The following CCDC126 variants were observed in gnomAD, a reference collection of about 807,000 sequenced individuals.
The protein encoded by CCDC126 is coiled-coil domain-containing protein 126.
In CCDC126, 5 loss-of-function variants were observed where a neutral mutation model predicts 11.7. That is an observed-to-expected ratio of 0.43 (90% confidence interval 0.22 to 0.90). The LOEUF (loss-of-function observed/expected upper bound fraction) is 0.90. Among genes scored for constraint, CCDC126 ranks in the 40% least tolerant of loss-of-function variants. CCDC126 has a pLI of 0.27. For synonymous variants in CCDC126, 60 were observed against 61.9 expected (o/e 0.97, Z 0.14); for missense variants, 150 against 163.1 (o/e 0.92, Z 0.44).
chr7:23,608,488 A>AT lies in CCDC126; in HGVS notation c.-145-2675dup, dbSNP rs555600798. On this transcript the variant is annotated intron_variant, in intron 2 of 3. Transcript: ENST00000307471. The stretch of plus-strand genomic sequence containing the variant: ...TTTTTTTTGTGATTTTTAATTTTTA[A>AT]TTTTTTTTAGCTCATCAGCTGTCGT... 2.9e-3 allele frequency among the ~76,000 whole-genome samples: 440 copies of AT among 151,996 alleles called. 3 individuals carry two copies. The highest frequency in any genetic ancestry group is 0.01 in the African/African-American group (417 of 41,448).
chr7:23,631,909 A>G (rs1783123113), intron 3 of CCDC126, among the ~76,000 whole-genome samples: 1 of 152,216 alleles, frequency 6.6e-6, no homozygotes, highest in Non-Finnish European at 1.5e-5. Context: ...CAGAAAATAG[A>G]AGGGGAAGGA....
intron 3 of CCDC126, among the ~76,000 whole-genome samples, chr7:23,640,984 T>A (rs1028643361): frequency 6.8e-5 from 10 of 146,288 alleles, no homozygotes; most frequent in Non-Finnish European, 1.2e-4. Context: ...GAGCTCTGAA[T>A]CCTTTTGGTT....
At chr7:23,642,255 C>T (rs545936291) in intron 3 of CCDC126, among the ~76,000 whole-genome samples, 45 of 152,196 alleles carry the variant, frequency 3.0e-4, no homozygotes, top group African/African-American at 1.1e-3. Context: ...CTCGTGATCC[C>T]GCCCGCCTCA....
chr7:23,636,876 A>C (rs1179958037), intron 3 of CCDC126, among the ~76,000 whole-genome samples: 50 of 101,942 alleles, frequency 4.9e-4, no homozygotes, highest in African/African-American at 1.9e-3. Context: ...CTGCCCGGCC[A>C]GTCGCCCCGT....
chr7:23,598,840 A>G (rs939213068), intron 2 of CCDC126, among the ~76,000 whole-genome samples: 3 of 152,224 alleles, frequency 2.0e-5, no homozygotes, highest in African/African-American at 7.2e-5. Context: ...CTCTGTCACT[A>G]TCTGTGTAAC....
intron 3 of CCDC126, among the ~76,000 whole-genome samples, chr7:23,632,333 T>A (rs1783130598): frequency 6.6e-6 from 1 of 152,192 alleles, no homozygotes; most frequent in African/African-American, 2.4e-5. Flanking sequence ...TGACCTCAAG[T>A]GATCCGCCCG....
chr7:23,643,162 C>T lies in CCDC126; in HGVS notation c.*47C>T, dbSNP rs369323526. 3.1e-5 allele frequency: 48 copies of T among 1,527,336 alleles called. No individual in the cohort carries two copies. The highest frequency in any genetic ancestry group is 1.5e-4 in the African/African-American group (11 of 72,578). The allele number at this position is 1,527,336 out of a possible 1,614,324, so 94.6% of individuals were successfully genotyped here. ...TGCTCCATCCACTGTGGATTATATC[C>T]TATGGCAGAAAAGCTTTATAATTGC... On this transcript the variant is annotated 3_prime_UTR_variant, in exon 4 of 4. Coordinates refer to ENST00000307471, the MANE Select transcript of CCDC126 (RefSeq NM_138771.4).
intron 3 of CCDC126, among the ~76,000 whole-genome samples, chr7:23,619,748 T>C (rs227925): frequency 0.79 from 89,875 of 113,956 alleles, 35,510 homozygotes; most frequent in African/African-American, 0.89. Context: ...CACCCCACAA[T>C]AGGCCCTGGT....
At chr7:23,600,046 A>G (rs1234740220) in intron 2 of CCDC126, among the ~76,000 whole-genome samples, 1 of 152,290 alleles carries the variant, frequency 6.6e-6, no homozygotes, top group East Asian at 1.9e-4. Flanking sequence ...CAGCCTCCCA[A>G]GGTGCTGGGA....
intron 3 of CCDC126, among the ~76,000 whole-genome samples, chr7:23,628,414 T>C (rs970888402): frequency 3.9e-5 from 6 of 152,178 alleles, no homozygotes; most frequent in African/African-American, 1.4e-4. Flanking sequence ...CAAAAGCCTG[T>C]TCTCTCTAGC....
intron 2 of CCDC126, among the ~76,000 whole-genome samples, chr7:23,607,885 T>C (rs1782646622): frequency 6.6e-6 from 1 of 152,178 alleles, no homozygotes; most frequent in African/African-American, 2.4e-5. Flanking sequence ...TTATTTCTTA[T>C]AAAGGGTTGC....
intron 2 of CCDC126, among the ~76,000 whole-genome samples, chr7:23,607,203 A>G (rs1199764891): frequency 6.6e-6 from 1 of 152,206 alleles, no homozygotes; most frequent in African/African-American, 2.4e-5. Flanking sequence ...GTGGCCTAGA[A>G]ATTAAGATTT....
At chr7:23,635,978 C>G (rs1783201904) in intron 3 of CCDC126, among the ~76,000 whole-genome samples, 1 of 152,162 alleles carries the variant, frequency 6.6e-6, no homozygotes, top group South Asian at 2.1e-4. Context: ...ACTGCAACCT[C>G]CCTGCCTGAT....
intron 3 of CCDC126, among the ~76,000 whole-genome samples, chr7:23,620,243 G>C (rs568197361): frequency 2.2e-4 from 33 of 152,254 alleles, no homozygotes; most frequent in African/African-American, 5.8e-4. Flanking sequence ...TCCAGCACCT[G>C]TTGTTTCCTG....
chr7:23,631,291 A>C (rs1783107959), intron 3 of CCDC126, among the ~76,000 whole-genome samples: 1 of 152,190 alleles, frequency 6.6e-6, no homozygotes, highest in South Asian at 2.1e-4. Context: ...TAAATTACCA[A>C]CATCAGGAAT....
chr7:23,607,054 G>A (rs898767805), intron 2 of CCDC126, among the ~76,000 whole-genome samples: 10 of 152,154 alleles, frequency 6.6e-5, no homozygotes, highest in African/African-American at 1.2e-4. Flanking sequence ...AGCTGAGATC[G>A]TGCTACTGTA....
At chr7:23,638,427 T>G (rs2128022565) in intron 3 of CCDC126, among the ~76,000 whole-genome samples, 1 of 86,308 alleles carries the variant, frequency 1.2e-5, no homozygotes, top group Non-Finnish European at 2.3e-5. Context: ...TCCAACCCTG[T>G]GCTCTCTGAA....
chr7:23,611,616 T>C, intron 3 of CCDC126, 63 bp downstream of exon 3: 1 of 1,198,448 alleles, frequency 8.3e-7, no homozygotes. Context: ...GTTTTGGAAA[T>C]TGAACTTATT....
chr7:23,615,730 A>T (rs2128016801), intron 3 of CCDC126, among the ~76,000 whole-genome samples: 1 of 152,340 alleles, frequency 6.6e-6, no homozygotes, highest in African/African-American at 2.4e-5. Flanking sequence ...GCCTGAAGAG[A>T]GGGAGAGAGA....
Sources: allele counts gnomAD v4.1 joint callset (sites outside exome capture counted in the v4.1 genomes callset), GRCh38; gene constraint gnomAD v4.1.1; transcripts MANE v1.5; gene names NCBI Gene and HGNC (gene_info 2026-07-23, HGNC 2026-07-21).